GPC6: variants seen among roughly 807,000 people sequenced by gnomAD.
GPC6 encodes glypican-6.
In GPC6, 14 loss-of-function variants were observed where a neutral mutation model predicts 55.2. The ratio of observed to expected loss-of-function variants is 0.25; its 90% confidence interval spans 0.17 to 0.40. The LOEUF (loss-of-function observed/expected upper bound fraction) is 0.40, where lower values mean the gene tolerates loss of function less well. Among genes scored for constraint, GPC6 ranks in the 10% least tolerant of loss-of-function variants. The pLI is 1.00. For synonymous variants in GPC6, 278 were observed against 259.6 expected, an observed-to-expected ratio of 1.07 and a Z score of -0.68; for missense variants, 641 against 708.5, an observed-to-expected ratio of 0.90 and a Z score of 1.08.
intron 2 of GPC6, among the ~76,000 whole-genome samples, chr13:93,739,245 A>G (rs1159386268): frequency 6.6e-6 from 1 of 152,112 alleles, no homozygotes; most frequent in East Asian, 1.9e-4. Flanking sequence ...AATAGATAAG[A>G]GAAGAAAACT....
intron 2 of GPC6, among the ~76,000 whole-genome samples, chr13:93,599,958 C>G (rs1243026470): frequency 6.6e-6 from 1 of 151,964 alleles, no homozygotes; most frequent in Non-Finnish European, 1.5e-5. Context: ...AGGTGTTCTC[C>G]CCTCCAAAAA....
chr13:94,235,035 G>A (rs577591078), intron 4 of GPC6, among the ~76,000 whole-genome samples: 1 of 152,240 alleles, frequency 6.6e-6, no homozygotes, highest in South Asian at 2.1e-4. Flanking sequence ...GTACAGCAAT[G>A]TGCATAGAGT....
At chr13:93,986,393 C>T (rs1881032074) in intron 3 of GPC6, among the ~76,000 whole-genome samples, 2 of 152,124 alleles carry the variant, frequency 1.3e-5, no homozygotes, top group Admixed American at 6.6e-5. Flanking sequence ...GTGATAATTT[C>T]ATTGGAAAGT....
intron 6 of GPC6, among the ~76,000 whole-genome samples, chr13:94,369,905 C>A (rs910457340): frequency 2.0e-5 from 3 of 152,188 alleles, no homozygotes; most frequent in Non-Finnish European, 4.4e-5. Flanking sequence ...GGTAATCAAT[C>A]ATTTTTGAAA....
intron 1 of GPC6, among the ~76,000 whole-genome samples, chr13:93,281,302 T>G (rs949914740): frequency 1.3e-5 from 2 of 152,150 alleles, no homozygotes; most frequent in Non-Finnish European, 2.9e-5. Flanking sequence ...AAGTCCAAGA[T>G]GAAGACACTG....
intron 6 of GPC6, among the ~76,000 whole-genome samples, chr13:94,356,699 G>A (rs888912382): frequency 3.3e-5 from 5 of 152,178 alleles, no homozygotes; most frequent in East Asian, 1.9e-4. Flanking sequence ...CAGGGAGCAC[G>A]TGGAAAGGGA....
chr13:93,803,536 A>AAGGAATTCT (rs1411150741), intron 2 of GPC6, among the ~76,000 whole-genome samples: 2 of 152,306 alleles, frequency 1.3e-5, no homozygotes, highest in African/African-American at 4.8e-5. Context: ...AGTTCCTCAC[A>AAGGAATTCT]AGCTAAACCT....
intron 1 of GPC6, among the ~76,000 whole-genome samples, chr13:93,401,830 A>G (rs1387835332): frequency 6.6e-6 from 1 of 151,600 alleles, no homozygotes; most frequent in East Asian, 1.9e-4. Context: ...GTTAATATCC[A>G]TTAACACGGA....
intron 2 of GPC6, among the ~76,000 whole-genome samples, chr13:93,645,655 G>A (rs531399478): frequency 1.3e-5 from 2 of 152,170 alleles, no homozygotes; most frequent in South Asian, 4.1e-4. Flanking sequence ...TTCACTTTCT[G>A]TGGAAAAATA....
intron 2 of GPC6, among the ~76,000 whole-genome samples, chr13:93,779,614 T>A (rs1278308462): frequency 1.3e-5 from 2 of 152,148 alleles, no homozygotes; most frequent in East Asian, 1.9e-4. Flanking sequence ...AAAGAGATAG[T>A]TTGATTATCT....
rs149750288 is a variant in GPC6 at position 93,991,980 on chromosome 13, G to A, written c.712-35749G>A. On this transcript the variant is annotated intron_variant, in intron 3 of 8. Coordinates refer to ENST00000377047, the MANE Select transcript of GPC6 (RefSeq NM_005708.5). ...ATAAAACTATATATACATACATGTG[G>A]CATATACATAAACATATATATAATA... Among the ~76,000 whole-genome samples the A allele has an allele frequency of 1.8e-3, 276 of 151,658 alleles. 1 individual carries two copies. The highest frequency in any genetic ancestry group is 6.2e-3 in the African/African-American group (255 of 41,370).
chr13:93,642,705 A>G (rs185868964), intron 2 of GPC6, among the ~76,000 whole-genome samples: 1 of 152,124 alleles, frequency 6.6e-6, no homozygotes, highest in African/African-American at 2.4e-5. Flanking sequence ...ATACAGAACA[A>G]CGATTTTTAC....
intron 1 of GPC6, among the ~76,000 whole-genome samples, chr13:93,480,553 T>C (rs1879477597): frequency 6.6e-6 from 1 of 152,188 alleles, no homozygotes; most frequent in Non-Finnish European, 1.5e-5. Context: ...ACTGTGGTTT[T>C]AATATATTAA....
At chr13:93,258,981 A>G (rs1231035841) in intron 1 of GPC6, among the ~76,000 whole-genome samples, 1 of 152,012 alleles carries the variant, frequency 6.6e-6, no homozygotes, top group Non-Finnish European at 1.5e-5. Flanking sequence ...ACAACAACAA[A>G]GCTTCCATGG....
chr13:93,680,470 C>T (rs1881806616), intron 2 of GPC6, among the ~76,000 whole-genome samples: 1 of 152,036 alleles, frequency 6.6e-6, no homozygotes, highest in African/African-American at 2.4e-5. Context: ...CAGAGGAAAC[C>T]AGAGAAAGAA....
intron 4 of GPC6, among the ~76,000 whole-genome samples, chr13:94,149,475 T>C (rs574938887): frequency 6.6e-6 from 1 of 152,212 alleles, no homozygotes; most frequent in African/African-American, 2.4e-5. Flanking sequence ...ATAACTTAAG[T>C]GCGATAGTAT....
intron 2 of GPC6, among the ~76,000 whole-genome samples, chr13:93,819,289 T>G (rs1886965192): frequency 2.0e-5 from 3 of 152,236 alleles, no homozygotes; most frequent in Non-Finnish European, 2.9e-5. Flanking sequence ...GGTTTGTTCT[T>G]GGAGTTTTTC....
At chr13:94,300,782 G>A (rs931745613) in intron 5 of GPC6, among the ~76,000 whole-genome samples, 1 of 152,178 alleles carries the variant, frequency 6.6e-6, no homozygotes, top group African/African-American at 2.4e-5. Context: ...TAAAGGGGTA[G>A]AGCGAATGAT....
At chr13:93,643,491 C>A (rs1229553193) in intron 2 of GPC6, among the ~76,000 whole-genome samples, 1 of 152,088 alleles carries the variant, frequency 6.6e-6, no homozygotes, top group Admixed American at 6.6e-5. Flanking sequence ...ATAGGCTGAA[C>A]AGAGGTAGGC....
Sources: gnomAD v4.1 joint callset for allele counts (sites outside exome capture counted in the v4.1 genomes callset) on GRCh38, gnomAD v4.1.1 for gene constraint, MANE v1.5 for transcripts, NCBI Gene and HGNC (gene_info 2026-07-23, HGNC 2026-07-21) for gene names.